The following PAQR3 variants were observed in gnomAD, a reference collection of about 807,000 sequenced individuals.
The protein encoded by PAQR3 is Raf kinase trapping to Golgi.
A neutral mutation model predicts 41.7 loss-of-function variants in PAQR3; 39 were observed. That is an observed-to-expected ratio of 0.93 (90% CI 0.72 to 1.22). PAQR3 has a LOEUF of 1.22. PAQR3 is among the 50% of genes most tolerant of loss of function. The probability of loss-of-function intolerance (pLI) is 0.00; values close to 1 mark genes in which losing one functional copy is unlikely to be tolerated. For missense variants in PAQR3, 366 were observed against 385.6 expected, an observed-to-expected ratio of 0.95 and a Z score of 0.42; for synonymous variants, 140 against 140.6, an observed-to-expected ratio of 1.00 and a Z score of 0.03.
intron 4 of PAQR3, 42 bp downstream of exon 4, chr4:78,926,479 G>GA: frequency 1.3e-6 from 2 of 1,507,950 alleles, no homozygotes; most frequent in East Asian, 4.5e-5. Context: ...AAAATTGAAA[G>GA]GAAAAAAAAA....
At chr4:78,909,866 A>G (rs1413880081), downstream of PAQR3, among the ~76,000 whole-genome samples, 1 of 152,236 alleles carries the variant, frequency 6.6e-6, no homozygotes, top group African/African-American at 2.4e-5. Context: ...AAAGTGCCCT[A>G]TATTTCTTTC....
At chr4:78,910,596 A>T, downstream of PAQR3, 1 of 1,496,566 alleles carries the variant, frequency 6.7e-7, no homozygotes, top group African/African-American at 1.4e-5. Flanking sequence ...AATAATATTT[A>T]TTTGAACTTG....
intron 4 of PAQR3, among the ~76,000 whole-genome samples, chr4:78,925,611 T>C (rs1460064335): frequency 6.6e-6 from 1 of 152,190 alleles, no homozygotes; most frequent in Admixed American, 6.6e-5. Context: ...TGCAAATAAA[T>C]GTAGGCCCAC....
chr4:78,910,031 G>A (rs1166155727), downstream of PAQR3, among the ~76,000 whole-genome samples: 3 of 152,184 alleles, frequency 2.0e-5, no homozygotes, highest in Admixed American at 1.3e-4. Context: ...GAAGGCAGAT[G>A]TTTTTGGTAC....
chr4:78,910,905 TCTC>T (rs771422329), downstream of PAQR3: 15 of 1,613,804 alleles, frequency 9.3e-6, no homozygotes, highest in Middle Eastern at 1.6e-4. Flanking sequence ...GTCATAGGCC[TCTC>T]CTCATGGATT....
At chr4:78,909,991 T>C (rs1360314652), downstream of PAQR3, among the ~76,000 whole-genome samples, 1 of 152,224 alleles carries the variant, frequency 6.6e-6, no homozygotes, top group Non-Finnish European at 1.5e-5. Context: ...TGTATAGATA[T>C]TATAATTAAA....
intron 11 of PAQR3, among the ~76,000 whole-genome samples, chr4:78,898,168 A>T (rs1157848450): frequency 6.6e-6 from 1 of 152,190 alleles, no homozygotes; most frequent in East Asian, 1.9e-4. Flanking sequence ...GTATTTGAGG[A>T]TGGCAGTATT....
downstream of PAQR3, chr4:78,911,739 C>T: frequency 6.2e-7 from 1 of 1,613,942 alleles, no homozygotes. Context: ...CTGAGGAGAG[C>T]CTGTTGGACC....
At chr4:78,904,321 G>A (rs1451397682) in intron 11 of PAQR3, among the ~76,000 whole-genome samples, 1 of 151,806 alleles carries the variant, frequency 6.6e-6, no homozygotes, top group Non-Finnish European at 1.5e-5. Flanking sequence ...GGAGATAAGA[G>A]GTAATATATG....
exon 13 of PAQR3, chr4:78,887,135 T>G (rs1026762286): frequency 3.7e-6 from 5 of 1,337,222 alleles, no homozygotes; most frequent in Admixed American, 2.2e-5. Flanking sequence ...CATTTTTATT[T>G]CATTTCATTT....
At chr4:78,905,272 G>A (rs867649795) in intron 11 of PAQR3, among the ~76,000 whole-genome samples, 2 of 151,778 alleles carry the variant, frequency 1.3e-5, no homozygotes, top group Admixed American at 6.6e-5. Flanking sequence ...TAATTAACAT[G>A]CAACTTCCTA....
rs1401892604 is a variant in PAQR3, at chr4:78,920,450, A to G, written c.*89T>C. On this transcript the variant is annotated 3_prime_UTR_variant, in exon 6 of 6. Coordinates refer to ENST00000512733, the MANE Select transcript of PAQR3 (RefSeq NM_001040202.2). ...CTCATATTAAAAAGGAAAAAGGGAA[A>G]ACTAATGGGAATCTTAGAAATAGTG... 67 of 1,417,280 alleles carry G rather than the reference A, an allele frequency of 4.7e-5. 1 individual carries two copies. The highest frequency in any genetic ancestry group is 9.2e-7 in the Non-Finnish European group (1 of 1,082,116). The allele number at this position is 1,417,280 out of a possible 1,614,324, so 87.8% of individuals were successfully genotyped here. A position where few individuals can be genotyped will look rare whatever the true frequency, so the allele number is the denominator to read the frequency against.
chr4:78,890,067 A>G (rs188795018), intron 11 of PAQR3, among the ~76,000 whole-genome samples: 1 of 152,100 alleles, frequency 6.6e-6, no homozygotes, highest in African/African-American at 2.4e-5. Context: ...ATTAGTATAT[A>G]CTTTTTTCTG....
chr4:78,934,409 G>C (rs1309131199), intron 2 of PAQR3, among the ~76,000 whole-genome samples: 1 of 152,180 alleles, frequency 6.6e-6, no homozygotes, highest in Non-Finnish European at 1.5e-5. Context: ...GAGAAAGGGG[G>C]ATAATAAGTT....
downstream of PAQR3, chr4:78,911,517 CA>C: frequency 6.2e-7 from 1 of 1,613,986 alleles, no homozygotes. Flanking sequence ...AGGATATGTC[CA>C]AAAGTAATGG....
rs1735163672 is a variant in PAQR3, at chr4:78,917,167, C to G, written c.*3372G>C. Reference sequence around the variant, plus strand: ...GCTATTTATTTTGGATAACGAATACCTTTTTAAGGAAGCCCAGGTCAAGCA... The same window carrying G: ...GCTATTTATTTTGGATAACGAATACGTTTTTAAGGAAGCCCAGGTCAAGCA... On this transcript the variant is annotated 3_prime_UTR_variant, in exon 6 of 6. Coordinates refer to ENST00000512733, the MANE Select transcript of PAQR3 (RefSeq NM_001040202.2). 4 of 151,758 alleles carry G rather than the reference C, an allele frequency of 2.6e-5. No individual in the cohort carries two copies. The highest frequency in any genetic ancestry group is 2.6e-4 in the Admixed American group (4 of 15,198). The allele number at this position is 151,758 out of a possible 1,614,324, so 9.4% of individuals were successfully genotyped here.
chr4:78,890,107 G>A (rs1024222205), intron 11 of PAQR3, among the ~76,000 whole-genome samples: 1 of 151,504 alleles, frequency 6.6e-6, no homozygotes. Flanking sequence ...AAAGTGATTT[G>A]TAAATTGAAA....
At chr4:78,906,211 C>G (rs914741025) in intron 10 of PAQR3, 1 of 152,046 alleles carries the variant, frequency 6.6e-6, no homozygotes, top group Admixed American at 6.6e-5. Context: ...TTTCAGAGAG[C>G]CTCATTACTG....
At position 78,888,919 on chromosome 4, in the gene PAQR3, T is replaced by TAA. The variant is rs546265170; in HGVS notation, c.*837-773_*837-772dup. Reference sequence around the variant, plus strand: ...TTCCTTAGATTTAGGACAGTGGCCTTAAAAAAAATGCCCATTAATGGGCCG... The same window carrying TAA: ...TTCCTTAGATTTAGGACAGTGGCCTTAAAAAAAAAATGCCCATTAATGGGCCG... On this transcript the variant is annotated intron_variant and NMD_transcript_variant, in intron 11 of 12. Transcript: ENST00000342820. Among the ~76,000 whole-genome samples, 322 of 151,894 alleles carry TAA rather than the reference T, an allele frequency of 2.1e-3. 1 individual carries two copies. The highest frequency in any genetic ancestry group is 7.1e-3 in the African/African-American group (295 of 41,446).
Sources: allele counts gnomAD v4.1 joint callset (sites outside exome capture counted in the v4.1 genomes callset), GRCh38; gene constraint gnomAD v4.1.1; transcripts MANE v1.5; gene names NCBI Gene and HGNC (gene_info 2026-07-23, HGNC 2026-07-21).